Variants in ARG1 observed in about 807,000 individuals in gnomAD.
ARG1 encodes the protein arginase 1.
ARG1 carries 20 observed loss-of-function variants against 33.0 expected under a neutral mutation model. The ratio of observed to expected loss-of-function variants is 0.61; its 90% CI spans 0.43 to 0.88. The LOEUF is 0.88. Among genes scored for constraint, ARG1 ranks in the 40% least tolerant of loss-of-function variants. The pLI is 0.00. For synonymous variants in ARG1, 146 were observed against 140.6 expected (o/e 1.04, Z -0.27); for missense variants, 374 against 384.7 (o/e 0.97, Z 0.23).
intron 1 of ARG1, among the ~76,000 whole-genome samples, chr6:131,574,787 C>G (rs1200109979): frequency 1.3e-5 from 2 of 152,162 alleles, no homozygotes; most frequent in African/African-American, 2.4e-5. Flanking sequence ...CCTTGAAAGG[C>G]TTGCAAGGCA....
chr6:131,577,094 T>G (rs188627941), intron 2 of ARG1, among the ~76,000 whole-genome samples: 1 of 152,152 alleles, frequency 6.6e-6, no homozygotes. Context: ...ATTTGTGAAA[T>G]AAAATAAAAT....
At position 131,573,275 on chromosome 6, in the gene ARG1, G is replaced by A. The variant is rs987130050; in HGVS notation, c.-8G>A. On this transcript the variant is annotated 5_prime_UTR_variant, in exon 1 of 8. Transcript: ENST00000368087. Reference sequence around the variant, plus strand: ...GAGCTCAAGTGCAGCAAAGAGAAGTGTCAGAGCATGAGCGCCAAGTCCAGA... The same window carrying A: ...GAGCTCAAGTGCAGCAAAGAGAAGTATCAGAGCATGAGCGCCAAGTCCAGA... The A allele has an allele frequency of 5.6e-6, 9 of 1,613,904 alleles. No homozygotes were observed. Among genetic ancestry groups the A allele is most frequent in the Middle Eastern group, 1.6e-4 (1 of 6,084 alleles).
At chr6:131,573,394 T>C in intron 1 of ARG1, 55 bp downstream of exon 1, 1 of 1,576,246 alleles carries the variant, frequency 6.3e-7, no homozygotes, top group South Asian at 1.1e-5. Flanking sequence ...AATTTTGGAC[T>C]TCAAAATTTG....
Position 131,581,329 on chromosome 6 carries a change from A to G in ARG1, c.416A>G (p.Asn139Ser). 1 of 1,613,954 alleles carries G rather than the reference A, an allele frequency of 6.2e-7. No homozygotes were observed. The highest frequency in any genetic ancestry group is 1.3e-5 in the African/African-American group (1 of 75,060). ...INTPLTTTSG[N>S]LHGQPVSFLL... ...ACTCCACTGACAACCACAAGTGGAA[A>G]CTTGCATGGACAACCTGTATCTTTC... The change falls in exon 4 of 8, where the codon AAC (asparagine) becomes AGC (serine). Residue 139 changes from asparagine to serine, a missense_variant. Transcript: ENST00000368087.
Position 131,583,507 on chromosome 6 carries a change from A to C in ARG1, c.802+16A>C. 3 of 1,614,000 alleles carry C rather than the reference A, an allele frequency of 1.9e-6. No homozygotes were observed. The highest frequency in any genetic ancestry group is 2.5e-6 in the Non-Finnish European group (3 of 1,179,896). ...TACAAAACAGGTAGTTAACAATCTG[A>C]GGTAATAGAGAAGCAAGTGTACACT... On this transcript the variant is annotated intron_variant, in intron 7 of 7. Coordinates refer to ENST00000368087, the MANE Select transcript of ARG1 (RefSeq NM_000045.4).
chr6:131,583,285 T>A, intron 6 of ARG1, 70 bp from the exon 7 acceptor site: 1 of 1,609,928 alleles, frequency 6.2e-7, no homozygotes, highest in Non-Finnish European at 8.5e-7. Context: ...TAAAACAAGT[T>A]AACAGATTAT....
chr6:131,583,726 C>G lies in ARG1; in HGVS notation c.803-16C>G. Reference sequence around the variant, plus strand: ...AACTATTTTATAAATTACATTATTACAATTTGTTGTTGTAGGGCTACTCTC... The same window carrying G: ...AACTATTTTATAAATTACATTATTAGAATTTGTTGTTGTAGGGCTACTCTC... On this transcript the variant is annotated splice_polypyrimidine_tract_variant and intron_variant, in intron 7 of 7. Coordinates refer to ENST00000368087, the MANE Select transcript of ARG1 (RefSeq NM_000045.4). The G allele has an allele frequency of 1.2e-6, 2 of 1,611,192 alleles. No homozygotes were observed. Among genetic ancestry groups the G allele is most frequent in the Non-Finnish European group, 1.7e-6 (2 of 1,177,620 alleles).
intron 3 of ARG1, 108 bp from the exon 4 acceptor site, chr6:131,581,108 TATC>T: frequency 1.9e-6 from 2 of 1,052,262 alleles, no homozygotes; most frequent in Non-Finnish European, 2.9e-6. Context: ...CTATCAGAAA[TATC>T]AGACACTGTG....
In ARG1 at chr6:131,580,979, A is replaced by G. The variant is rs9483309; in HGVS notation, c.306-240A>G. On this transcript the variant is annotated intron_variant, in intron 3 of 7. Coordinates refer to ENST00000368087, the MANE Select transcript of ARG1 (RefSeq NM_000045.4). Reference sequence around the variant, plus strand: ...GTTTTCTTACAAGGTGGATTTTGGGAAAAAAAATCACAGTTTTTTTAGTAA... The same window carrying G: ...GTTTTCTTACAAGGTGGATTTTGGGGAAAAAAATCACAGTTTTTTTAGTAA... Among the ~76,000 whole-genome samples, 1,671 of 152,048 alleles carry G rather than the reference A, an allele frequency of 0.011. 30 individuals are homozygous for G. Among genetic ancestry groups the G allele is most frequent in the African/African-American group, 0.038 (1,581 of 41,456 alleles).
intron 1 of ARG1, among the ~76,000 whole-genome samples, chr6:131,573,720 TAC>T (rs1176813988): frequency 2.0e-5 from 3 of 152,234 alleles, no homozygotes; most frequent in African/African-American, 7.2e-5. Context: ...TTTTAAGAAA[TAC>T]ATTTGTTTAG....
chr6:131,576,024 T>A (rs1773594945), intron 1 of ARG1, among the ~76,000 whole-genome samples: 1 of 152,222 alleles, frequency 6.6e-6, no homozygotes, highest in South Asian at 2.1e-4. Context: ...TTTTGCCCAA[T>A]CGTTCCCTTG....
At chr6:131,575,767 G>A (rs1440118631) in intron 1 of ARG1, among the ~76,000 whole-genome samples, 1 of 152,180 alleles carries the variant, frequency 6.6e-6, no homozygotes, top group Non-Finnish European at 1.5e-5. Context: ...AATTGTTCAG[G>A]GGACTGAGGA....
Position 131,582,525 on chromosome 6 carries a change from A to G in ARG1, c.466-96A>G, listed in dbSNP as rs1773979036. ...TTTCTTCTGTATTTATATTCTAAAT[A>G]TAAGATATACGCAATCCAATATGTG... On this transcript the variant is annotated intron_variant, in intron 4 of 7. Transcript: ENST00000368087. The G allele has an allele frequency of 1.2e-5, 11 of 906,470 alleles. No homozygotes were observed. In the East Asian group the frequency reaches 2.7e-4, roughly 23 times the overall value. 56.2% of individuals were successfully genotyped at this position (906,470 alleles called of 1,614,324 possible).
intron 4 of ARG1, 152 bp from the exon 5 acceptor site, chr6:131,582,469 C>CTCT (rs1449108005): frequency 1.3e-4 from 85 of 672,806 alleles, no homozygotes; most frequent in Admixed American, 4.0e-4. Context: ...GGCACACATC[C>CTCT]TCTTCTTAAT....
At chr6:131,574,400 C>T in intron 1 of ARG1, 1 of 1,311,882 alleles carries the variant, frequency 7.6e-7, no homozygotes, top group African/African-American at 1.4e-5. Context: ...AAAGTCTCTC[C>T]CAAACACAGG....
In ARG1 at chr6:131,573,306, A is replaced by G. The variant is rs774603245; in HGVS notation, c.24A>G (p.Ile8Met). The part of the protein sequence containing the change: MSAKSRT[I>M]GIIGAPFSKG... ...GCATGAGCGCCAAGTCCAGAACCAT[A>G]GGGATTATTGGAGCTCCTTTCTCAA... Residue 8 changes from isoleucine to methionine, a missense_variant, in exon 1 of 8, where the codon ATA becomes ATG. By Grantham distance (10) the Ile-to-Met change is conservative (BLOSUM62 1). Transcript: ENST00000368087. 6.2e-7 allele frequency: 1 copy of G among 1,614,074 alleles called. No individual in the cohort carries two copies. The highest frequency in any genetic ancestry group is 1.7e-5 in the Admixed American group (1 of 60,020).
intron 4 of ARG1, among the ~76,000 whole-genome samples, chr6:131,581,855 G>A (rs1427762522): frequency 3.3e-5 from 5 of 152,156 alleles, no homozygotes; most frequent in Non-Finnish European, 7.3e-5. Context: ...ATGAACTAAT[G>A]TATTTACTGG....
chr6:131,578,629 C>CTG (rs757077112), intron 2 of ARG1, among the ~76,000 whole-genome samples: 7 of 151,578 alleles, frequency 4.6e-5, no homozygotes, highest in South Asian at 2.1e-4. Flanking sequence ...CTTTGTGTGT[C>CTG]TGTGTGTGTG....
At chr6:131,575,980 C>T (rs961271655) in intron 1 of ARG1, among the ~76,000 whole-genome samples, 1 of 152,188 alleles carries the variant, frequency 6.6e-6, no homozygotes, top group Admixed American at 6.5e-5. Flanking sequence ...AGTACATGCA[C>T]GTAGGTCTCT....
Sources: gnomAD v4.1 joint callset for allele counts (sites outside exome capture counted in the v4.1 genomes callset) on GRCh38, gnomAD v4.1.1 for gene constraint, MANE v1.5 for transcripts, NCBI Gene and HGNC (gene_info 2026-07-23, HGNC 2026-07-21) for gene names.